PLEKHM1: variants seen among roughly 807,000 people sequenced by gnomAD.
PLEKHM1 encodes the protein pleckstrin homology domain-containing family M member 1.
PLEKHM1 carries 28 observed loss-of-function variants against 94.3 expected under a neutral mutation model. The ratio of observed to expected loss-of-function variants is 0.30; its 90% confidence interval spans 0.22 to 0.41. The LOEUF (loss-of-function observed/expected upper bound fraction) is 0.41. Among genes scored for constraint, PLEKHM1 ranks in the 10% least tolerant of loss-of-function variants. PLEKHM1 has a pLI of 1.00. For missense variants in PLEKHM1, 907 were observed against 1,358.6 expected, an observed-to-expected ratio of 0.67 and a Z score of 5.22; for synonymous variants, 424 against 581.2, an observed-to-expected ratio of 0.73 and a Z score of 3.89.
chr17:45,449,675 C>T (rs556319698), intron 8 of PLEKHM1, among the ~76,000 whole-genome samples: 21 of 150,860 alleles, frequency 1.4e-4, no homozygotes, highest in African/African-American at 4.9e-4. Context: ...GCCACCTGCT[C>T]ATCCACCTAC....
intron 5 of PLEKHM1, among the ~76,000 whole-genome samples, chr17:45,467,983 G>T (rs2051371284): frequency 6.6e-6 from 1 of 151,984 alleles, no homozygotes; most frequent in Non-Finnish European, 1.5e-5. Flanking sequence ...ACAGTGCCGG[G>T]CTTATATCTA....
intron 9 of PLEKHM1, 142 bp from the exon 10 acceptor site, chr17:45,440,368 G>A: frequency 3.8e-6 from 3 of 784,968 alleles, no homozygotes; most frequent in Non-Finnish European, 6.6e-6. Context: ...GTGTAATTCG[G>A]CCTGCCTGGG....
In PLEKHM1 at chr17:45,436,157, G is replaced by A. The variant is rs1179322379; in HGVS notation, c.*1701C>T. 1.1e-5 allele frequency: 5 copies of A among 455,504 alleles called. No homozygotes were observed. The highest frequency in any genetic ancestry group is 4.7e-5 in the Admixed American group (2 of 42,568). The allele number at this position is 455,504 out of a possible 1,614,324, so 28.2% of individuals were successfully genotyped here. On this transcript the variant is annotated 3_prime_UTR_variant, in exon 12 of 12. Transcript: ENST00000430334. ...GGCCTCAAACCTGCTGCCTCCGAGG[G>A]CACCTTCGGGGAGAATCCTCACAGG...
At position 45,478,071 on chromosome 17, in the gene PLEKHM1, C is replaced by T. The variant is rs1288002740; in HGVS notation, c.125G>A (p.Ser42Asn). The T allele has an allele frequency of 6.2e-7, 1 of 1,614,204 alleles. No homozygotes were observed. Among genetic ancestry groups the T allele is most frequent in the East Asian group, 2.2e-5 (1 of 44,876 alleles). ...QYVSLDTVVT[S>N]EDGDANTMCS... ...CATGGTGTTGGCATCTCCGTCTTCACTAGTGACCACCGTGTCCAGGGACAC... is the reference window on the plus strand; with the variant it reads ...CATGGTGTTGGCATCTCCGTCTTCATTAGTGACCACCGTGTCCAGGGACAC... Residue 42 changes from serine (S) to asparagine (N), a missense_variant, in exon 3 of 12, where the codon AGT (serine) becomes AAT (asparagine). This residue lies in a region of PLEKHM1 where 176 missense variants were observed against 306.0 expected (regional missense o/e 0.58). Coordinates refer to ENST00000430334, the MANE Select transcript of PLEKHM1 (RefSeq NM_014798.3).
chr17:45,466,444 G>T (rs950081485), intron 5 of PLEKHM1, among the ~76,000 whole-genome samples: 2 of 152,102 alleles, frequency 1.3e-5, no homozygotes, highest in African/African-American at 4.8e-5. Flanking sequence ...AATACTATTA[G>T]GAGGTTTAAA....
At chr17:45,476,069 T>G (rs1420679511) in intron 3 of PLEKHM1, 1 of 358,558 alleles carries the variant, frequency 2.8e-6, no homozygotes, top group African/African-American at 2.1e-5. Flanking sequence ...AAGGATAGCT[T>G]GAGCCTGGGA....
At chr17:45,438,077 T>C (rs1597905214) in intron 11 of PLEKHM1, 108 bp from the exon 12 acceptor site, 3 of 806,898 alleles carry the variant, frequency 3.7e-6, no homozygotes, top group Non-Finnish European at 6.3e-6. Flanking sequence ...TGTGATGTAC[T>C]GTGTAACCCA....
rs1412319608 is a variant in PLEKHM1, at chr17:45,444,856, T to C, written c.2837+614A>G. Among the ~76,000 whole-genome samples, 2 of 152,146 alleles carry C rather than the reference T, an allele frequency of 1.3e-5. No individual in the cohort carries two copies. Among genetic ancestry groups the C allele is most frequent in the Non-Finnish European group, 2.9e-5 (2 of 68,010 alleles). On this transcript the variant is annotated intron_variant, in intron 9 of 11. Coordinates refer to ENST00000430334, the MANE Select transcript of PLEKHM1 (RefSeq NM_014798.3). This position sits in a 1 kb window ranked among gnomAD's most constrained non-coding sequence, Gnocchi z 5.0. ...AAGCCTCTGTGGTTCCAGGACGTCCTGCCTCTCACCCTCACCCCCAGATGG... is the reference window on the plus strand; with the variant it reads ...AAGCCTCTGTGGTTCCAGGACGTCCCGCCTCTCACCCTCACCCCCAGATGG...
chr17:45,482,551 G>T, intron 1 of PLEKHM1, 26 bp from the exon 2 acceptor site: 2 of 1,008,074 alleles, frequency 2.0e-6, no homozygotes, highest in Admixed American at 1.8e-5. Context: ...GCAGCCAGAT[G>T]AATGGGCAGG....
intron 1 of PLEKHM1, among the ~76,000 whole-genome samples, chr17:45,488,393 T>C (rs1230769383): frequency 6.6e-6 from 1 of 152,188 alleles, no homozygotes; most frequent in Non-Finnish European, 1.5e-5. Flanking sequence ...TTGAATGAAT[T>C]GATTAATAAA....
At chr17:45,472,985 C>T (rs1368822774) in intron 4 of PLEKHM1, among the ~76,000 whole-genome samples, 1 of 152,090 alleles carries the variant, frequency 6.6e-6, no homozygotes, top group East Asian at 1.9e-4. Flanking sequence ...ATAAGAAGTT[C>T]CCATTTTCCA....
At chr17:45,488,771 C>A (rs1457080001) in intron 1 of PLEKHM1, among the ~76,000 whole-genome samples, 2 of 152,058 alleles carry the variant, frequency 1.3e-5, no homozygotes, top group Non-Finnish European at 2.9e-5. Context: ...AAACCCCCAT[C>A]TCTACTAAAA....
intron 5 of PLEKHM1, among the ~76,000 whole-genome samples, chr17:45,465,716 A>ATT (rs60337271): frequency 7.3e-5 from 11 of 150,474 alleles, no homozygotes; most frequent in Non-Finnish European, 1.3e-4. Context: ...CCTCAAAAAA[A>ATT]TTTTTTTTTT....
At chr17:45,442,905 C>T (rs549271398) in intron 9 of PLEKHM1, among the ~76,000 whole-genome samples, 1 of 152,272 alleles carries the variant, frequency 6.6e-6, no homozygotes, top group East Asian at 1.9e-4. Flanking sequence ...CTCTTGCTAC[C>T]GGTCTCTTAG....
chr17:45,477,947 A>G lies in PLEKHM1; in HGVS notation c.249T>C (p.Pro83=). Residue 83 remains proline, a synonymous_variant, in exon 3 of 12, where the codon CCT becomes CCC. Transcript: ENST00000430334. ...GKRKKSAHQK[P]LPQPVFWPLL... The stretch of plus-strand genomic sequence containing the variant: ...GGGGCCAGAAGACAGGCTGGGGCAG[A>G]GGCTTCTGGTGGGCACTTTTCTTCC... The G allele has an allele frequency of 1.2e-6, 2 of 1,614,028 alleles. No homozygotes were observed. The highest frequency in any genetic ancestry group is 1.7e-6 in the Non-Finnish European group (2 of 1,179,982).
rs762273405 is a variant in PLEKHM1, at chr17:45,454,231, C to T, written c.1621G>A (p.Val541Met). ...PFRGLMKLGT[V>M]ERRGAMGIWK... ...ATGCCCATTGCCCCCCGCCGCTCCA[C>T]GGTGCCCAGCTTCATGAGACCCCGG... The change falls in exon 7 of 12, where the codon GTG becomes ATG. Residue 541 changes from valine to methionine, a missense_variant. By Grantham distance (21) the Val-to-Met change is conservative. Around this residue, in one of 3 missense-constraint regions of PLEKHM1, gnomAD observed 477 missense variants for 601.5 expected, o/e 0.79. Coordinates refer to ENST00000430334, the MANE Select transcript of PLEKHM1 (RefSeq NM_014798.3). 25 of 1,611,002 alleles carry T rather than the reference C, an allele frequency of 1.6e-5. No homozygotes were observed. Among genetic ancestry groups the T allele is most frequent in the Admixed American group, 1.5e-4 (9 of 59,680 alleles).
At chr17:45,472,763 G>A (rs1218121336) in intron 4 of PLEKHM1, among the ~76,000 whole-genome samples, 1 of 152,132 alleles carries the variant, frequency 6.6e-6, no homozygotes, top group Admixed American at 6.5e-5. Flanking sequence ...ACCTTCCTGG[G>A]CTTGTAAGTG....
rs1190147492 is a variant in PLEKHM1 at position 45,437,452 on chromosome 17, T to C, written c.*406A>G. On this transcript the variant is annotated 3_prime_UTR_variant, in exon 12 of 12. Coordinates refer to ENST00000430334, the MANE Select transcript of PLEKHM1 (RefSeq NM_014798.3). This position sits in a 1 kb window ranked among gnomAD's most constrained non-coding sequence, Gnocchi z 4.0. ...TAAAAAAATACTTTCTGTTGAAATA[T>C]GAATGGGAAAAACCCACCTTAAAAA... 2 of 468,634 alleles carry C rather than the reference T, an allele frequency of 4.3e-6. No individual in the cohort carries two copies. Among genetic ancestry groups the C allele is most frequent in the Admixed American group, 4.7e-5 (2 of 42,936 alleles). 29.0% of individuals were successfully genotyped at this position (468,634 alleles called of 1,614,324 possible).
rs1371387717 is a variant in PLEKHM1, at chr17:45,437,814, C to T, written c.*44G>A. 1.4e-6 allele frequency: 2 copies of T among 1,458,236 alleles called. No individual in the cohort carries two copies. Among genetic ancestry groups the T allele is most frequent in the Non-Finnish European group, 1.9e-6 (2 of 1,037,926 alleles). The allele number at this position is 1,458,236 out of a possible 1,614,324, so 90.3% of individuals were successfully genotyped here. A position where few individuals can be genotyped will look rare whatever the true frequency, so the allele number is the denominator to read the frequency against. On this transcript the variant is annotated 3_prime_UTR_variant, in exon 12 of 12. Coordinates refer to ENST00000430334, the MANE Select transcript of PLEKHM1 (RefSeq NM_014798.3). This position sits in a 1 kb window ranked among gnomAD's most constrained non-coding sequence, Gnocchi z 4.0. Reference sequence around the variant, plus strand: ...GGCAAACCCAGCCGGGATGGCTGAGCCACACTCACCCCCGGCTTTCAGAGC... The same window carrying T: ...GGCAAACCCAGCCGGGATGGCTGAGTCACACTCACCCCCGGCTTTCAGAGC...
Sources: allele counts gnomAD v4.1 joint callset (sites outside exome capture counted in the v4.1 genomes callset), GRCh38; gene constraint gnomAD v4.1.1; regional missense constraint gnomAD v4.1.1; non-coding constraint Gnocchi (gnomAD v3.1); transcripts MANE v1.5; gene names NCBI Gene and HGNC (gene_info 2026-07-23, HGNC 2026-07-21).